The following CCDC82 variants were observed in gnomAD, a reference collection of about 807,000 sequenced individuals.
CCDC82 encodes coiled-coil domain-containing protein 82.
CCDC82 carries 47 observed loss-of-function variants against 60.6 expected under a neutral mutation model. That is an observed-to-expected ratio of 0.77 (90% confidence interval 0.61 to 0.99). CCDC82 has a LOEUF of 0.99. Among genes scored for constraint, CCDC82 ranks in the 50% least tolerant of loss-of-function variants. The pLI is 0.00. For missense variants in CCDC82, 588 were observed against 633.0 expected (o/e 0.93, Z 0.76); for synonymous variants, 212 against 207.4 (o/e 1.02, Z -0.19).
chr11:96,367,637 T>C (rs755027318), intron 7 of CCDC82, among the ~76,000 whole-genome samples: 6 of 152,128 alleles, frequency 3.9e-5, no homozygotes, highest in Non-Finnish European at 7.4e-5. Context: ...TCCAGGAGGG[T>C]TGGAATCAAA....
chr11:96,358,822 T>C (rs1331040961), intron 9 of CCDC82, among the ~76,000 whole-genome samples, 171 bp downstream of exon 9: 1 of 152,138 alleles, frequency 6.6e-6, no homozygotes, highest in Non-Finnish European at 1.5e-5. Context: ...GGGCATCTAT[T>C]CAGAAGGACA....
intron 9 of CCDC82, chr11:96,357,764 A>T (rs562173983): frequency 1.0e-6 from 1 of 985,430 alleles, no homozygotes; most frequent in South Asian, 4.7e-5. Context: ...TAAGAATTTA[A>T]TGTTGTCTAG....
Position 96,357,145 on chromosome 11 carries a change from A to G in CCDC82, c.1566+1848T>C, listed in dbSNP as rs1228303049. 9.1e-6 allele frequency: 9 copies of G among 985,360 alleles called. No individual in the cohort carries two copies. In the East Asian group the frequency reaches 7.9e-4, roughly 87 times the overall value. The allele number at this position is 985,360 out of a possible 1,614,324, so 61.0% of individuals were successfully genotyped here. On this transcript the variant is annotated intron_variant, in intron 9 of 9. Coordinates refer to ENST00000646818, the MANE Select transcript of CCDC82 (RefSeq NM_024725.4). ...AGTGAGAGGGACAGACAGAGTGAGGATGGGAAATGTCAGAGCACGTGACAA... is the reference window on the plus strand; with the variant it reads ...AGTGAGAGGGACAGACAGAGTGAGGGTGGGAAATGTCAGAGCACGTGACAA...
intron 7 of CCDC82, among the ~76,000 whole-genome samples, 185 bp downstream of exon 7, chr11:96,370,827 TG>T (rs1865222004): frequency 6.6e-6 from 1 of 152,186 alleles, no homozygotes; most frequent in Admixed American, 6.5e-5. Flanking sequence ...ACTTAATTAT[TG>T]GATAGATATA....
chr11:96,357,933 G>C, intron 9 of CCDC82: 1 of 985,454 alleles, frequency 1.0e-6, no homozygotes, highest in Non-Finnish European at 1.2e-6. Flanking sequence ...TAAGGATCAA[G>C]ATGTGGGGGG....
In CCDC82 at chr11:96,384,378, G is replaced by A. The variant is rs767218465; in HGVS notation, c.370C>T (p.Gln124Ter). ...TGACTTAAATGTTTTTCCTGATCTT[G>A]TAAGTCAATATTCCTATGTTTGATT... The part of the protein sequence containing the change: ...NKIKHRNIDL[Q>*]DQEKHLSQED... Residue 124 changes from glutamine (Q) to a stop codon, truncating the protein, a stop_gained, in exon 4 of 10, where the codon CAA (glutamine) becomes TAA (stop). Coordinates refer to ENST00000646818, the MANE Select transcript of CCDC82 (RefSeq NM_024725.4). LOFTEE classifies it high-confidence loss of function. 1 of 1,613,308 alleles carries A rather than the reference G, an allele frequency of 6.2e-7. No homozygotes were observed. Among genetic ancestry groups the A allele is most frequent in the Non-Finnish European group, 8.5e-7 (1 of 1,179,776 alleles).
At chr11:96,387,466 A>G (rs1479986609) in intron 2 of CCDC82, 64 bp downstream of exon 2, 1 of 152,200 alleles carries the variant, frequency 6.6e-6, no homozygotes, top group African/African-American at 2.4e-5. Context: ...ATGATCCTAG[A>G]AGGAAGATAT....
chr11:96,353,844 A>C (rs1209492338), intron 9 of CCDC82, 130 bp from the exon 10 acceptor site: 4 of 602,538 alleles, frequency 6.6e-6, no homozygotes, highest in East Asian at 2.7e-5. Flanking sequence ...TTTTTATGAT[A>C]AACAGGAACT....
At chr11:96,382,921 T>C (rs1865955202) in intron 5 of CCDC82, 1 of 176,710 alleles carries the variant, frequency 5.7e-6, no homozygotes, top group Non-Finnish European at 1.2e-5. Flanking sequence ...GGGAAAAATA[T>C]AGTTACTTTT....
chr11:96,379,371 G>GA (rs1865753129), intron 5 of CCDC82, among the ~76,000 whole-genome samples: 3 of 151,570 alleles, frequency 2.0e-5, no homozygotes, highest in Admixed American at 2.0e-4. Context: ...TCTAATGTTT[G>GA]AAAAAATCTG....
At chr11:96,371,642 G>A (rs111495648) in intron 6 of CCDC82, among the ~76,000 whole-genome samples, 126 of 152,310 alleles carry the variant, frequency 8.3e-4, no homozygotes, top group African/African-American at 2.8e-3. Flanking sequence ...AAAAAAGTCA[G>A]ATGAAAAAGC....
chr11:96,362,288 G>A (rs773843189), intron 8 of CCDC82, among the ~76,000 whole-genome samples: 3 of 152,178 alleles, frequency 2.0e-5, no homozygotes, highest in Non-Finnish European at 2.9e-5. Flanking sequence ...GCTCCTTATG[G>A]AAGTTAAAGT....
At position 96,373,422 on chromosome 11, in the gene CCDC82, G is replaced by A; in HGVS notation, c.1037C>T (p.Ala346Val). Residue 346 changes from alanine to valine, a missense_variant, in exon 6 of 10, where the codon GCT becomes GTT. Ala to Val is a moderately conservative substitution (Grantham distance 64). Coordinates refer to ENST00000646818, the MANE Select transcript of CCDC82 (RefSeq NM_024725.4). ...TTCATCTAAAGCGTTGATCAGAAGAGCCTTCACAACTCTTTCAAAATGAGT... is the reference window on the plus strand; with the variant it reads ...TTCATCTAAAGCGTTGATCAGAAGAACCTTCACAACTCTTTCAAAATGAGT... ...HYTHFERVVK[A>V]LLINALDESF... 1 of 1,610,210 alleles carries A rather than the reference G, an allele frequency of 6.2e-7. No homozygotes were observed. The highest frequency in any genetic ancestry group is 8.5e-7 in the Non-Finnish European group (1 of 1,177,274).
intron 9 of CCDC82, chr11:96,357,336 T>C (rs552992793): frequency 5.1e-6 from 5 of 985,328 alleles, no homozygotes; most frequent in East Asian, 2.3e-4. Flanking sequence ...GAAAAAAATG[T>C]GTATACTGTC....
At chr11:96,370,859 CAATAAT>C (rs1407219758) in intron 7 of CCDC82, among the ~76,000 whole-genome samples, 148 bp downstream of exon 7, 1 of 152,140 alleles carries the variant, frequency 6.6e-6, no homozygotes, top group East Asian at 1.9e-4. Flanking sequence ...AGGATTAAAA[CAATAAT>C]AACTTTTAGA....
chr11:96,383,161 C>A, intron 5 of CCDC82, 108 bp downstream of exon 5: 3 of 703,712 alleles, frequency 4.3e-6, no homozygotes, highest in Non-Finnish European at 7.5e-6. Flanking sequence ...AAAATGAAAC[C>A]ACAGTTTCTA....
rs200246505 is a variant in CCDC82, at chr11:96,371,019, T to C, written c.1203A>G (p.Gln401=). ...SLVSRSRWKE[Q]YKERVENYSN... ...TCAAAAACAAACTGTGTACCTTATATTGCTCTTTCCAACGACTTCTAGATA... is the reference window on the plus strand; with the variant it reads ...TCAAAAACAAACTGTGTACCTTATACTGCTCTTTCCAACGACTTCTAGATA... Residue 401 remains glutamine, a synonymous_variant, in exon 7 of 10, where the codon CAA becomes CAG. Coordinates refer to ENST00000646818, the MANE Select transcript of CCDC82 (RefSeq NM_024725.4). 6.3e-6 allele frequency: 10 copies of C among 1,591,516 alleles called. No individual in the cohort carries two copies. Among genetic ancestry groups the C allele is most frequent in the African/African-American group, 2.7e-5 (2 of 73,666 alleles).
At chr11:96,383,040 T>C (rs1591217678) in intron 5 of CCDC82, 1 of 397,792 alleles carries the variant, frequency 2.5e-6, no homozygotes, top group Non-Finnish European at 4.5e-6. Context: ...ATGGTAAATA[T>C]TGACAGGCAT....
chr11:96,384,100 A>G lies in CCDC82; in HGVS notation c.648T>C (p.Asp216=), dbSNP rs767275837. The G allele has an allele frequency of 6.2e-7, 1 of 1,613,760 alleles. No individual in the cohort carries two copies. The highest frequency in any genetic ancestry group is 1.1e-5 in the South Asian group (1 of 91,082). Residue 216 remains aspartate, a synonymous_variant, in exon 4 of 10, where the codon GAT becomes GAC. Coordinates refer to ENST00000646818, the MANE Select transcript of CCDC82 (RefSeq NM_024725.4). The part of the protein sequence containing the change: ...GVKRPRRVVE[D]EGSSVEMEQK... ...GCTCCATTTCCACTGAAGAACCTTC[A>G]TCTTCAACCACTCTACGGGGACGTT...
Sources: gnomAD v4.1 joint callset for allele counts (sites outside exome capture counted in the v4.1 genomes callset) on GRCh38, gnomAD v4.1.1 for gene constraint, MANE v1.5 for transcripts, NCBI Gene and HGNC (gene_info 2026-07-23, HGNC 2026-07-21) for gene names.